The following NRP1 variants were observed in gnomAD, a reference collection of about 807,000 sequenced individuals.
NRP1 encodes neuropilin-1.
In NRP1, 35 loss-of-function variants were observed where a neutral mutation model predicts 106.7. That is an observed-to-expected ratio of 0.33 (90% CI 0.25 to 0.43). The LOEUF (loss-of-function observed/expected upper bound fraction) is 0.43. Ranked by LOEUF, NRP1 falls within the 20% of genes least tolerant of loss-of-function variation. NRP1 has a pLI of 1.00. For missense variants in NRP1, 1,024 were observed against 1,170.4 expected, an observed-to-expected ratio of 0.87 and a Z score of 1.83; for synonymous variants, 437 against 417.9, an observed-to-expected ratio of 1.05 and a Z score of -0.56.
chr10:33,181,085 C>T (rs1053861042), intron 16 of NRP1, among the ~76,000 whole-genome samples: 6 of 152,226 alleles, frequency 3.9e-5, no homozygotes, highest in Non-Finnish European at 8.8e-5. Context: ...CTCTGCAGCT[C>T]AGTCACTGGG....
intron 6 of NRP1, among the ~76,000 whole-genome samples, chr10:33,246,609 C>CACACAG (rs1318140828): frequency 1.3e-5 from 2 of 151,656 alleles, no homozygotes; most frequent in African/African-American, 2.4e-5. Context: ...CACACACACA[C>CACACAG]AGAGCACACC....
intron 6 of NRP1, among the ~76,000 whole-genome samples, chr10:33,238,195 T>A (rs368206908): frequency 1.0e-3 from 153 of 152,342 alleles, no homozygotes; most frequent in African/African-American, 3.6e-3. Flanking sequence ...GAGACTTCTC[T>A]CTTGAGTCTA....
chr10:33,230,443 C>A (rs1840018883), intron 6 of NRP1, among the ~76,000 whole-genome samples: 1 of 152,210 alleles, frequency 6.6e-6, no homozygotes, highest in South Asian at 2.1e-4. Context: ...TGCCTAAAAG[C>A]AGGAGATACA....
intron 6 of NRP1, among the ~76,000 whole-genome samples, chr10:33,252,474 T>G (rs1841936668): frequency 6.6e-6 from 1 of 152,156 alleles, no homozygotes; most frequent in Non-Finnish European, 1.5e-5. Context: ...CCTTAGACAC[T>G]GCCGTGGGGT....
chr10:33,261,913 T>C (rs1185079793), intron 4 of NRP1, among the ~76,000 whole-genome samples: 2 of 152,152 alleles, frequency 1.3e-5, no homozygotes, highest in Admixed American at 1.3e-4. Context: ...TTTTTGTATT[T>C]TTCGTAGAGA....
chr10:33,234,273 C>CTGT (rs1840389602), intron 6 of NRP1, among the ~76,000 whole-genome samples: 1 of 152,092 alleles, frequency 6.6e-6, no homozygotes, highest in Non-Finnish European at 1.5e-5. Flanking sequence ...GTGATATGTA[C>CTGT]CTTTCTCAGA....
intron 6 of NRP1, among the ~76,000 whole-genome samples, chr10:33,244,135 A>G (rs879544315): frequency 2.6e-5 from 4 of 152,160 alleles, no homozygotes; most frequent in South Asian, 2.1e-4. Flanking sequence ...TACAGGGTTC[A>G]GCTCTCTCTC....
intron 13 of NRP1, among the ~76,000 whole-genome samples, chr10:33,189,964 C>T (rs973851084): frequency 6.6e-6 from 1 of 152,232 alleles, no homozygotes; most frequent in African/African-American, 2.4e-5. Flanking sequence ...TGCAGGGGCT[C>T]TTTCTAGTCG....
At chr10:33,194,844 G>A (rs1428958497) in intron 12 of NRP1, 9 of 476,924 alleles carry the variant, frequency 1.9e-5, no homozygotes. Context: ...AAGAGAGAAG[G>A]ACAGAGGAAA....
At chr10:33,259,227 A>G (rs1842408922) in intron 4 of NRP1, among the ~76,000 whole-genome samples, 1 of 152,186 alleles carries the variant, frequency 6.6e-6, no homozygotes. Flanking sequence ...ACTGGTTTAT[A>G]ATGTTTAAGA....
chr10:33,197,608 G>A (rs747707272), intron 12 of NRP1, 42 bp downstream of exon 12: 2 of 1,519,688 alleles, frequency 1.3e-6, no homozygotes, highest in South Asian at 1.2e-5. Flanking sequence ...GGAGAGAAGA[G>A]AGGTACATGG....
At chr10:33,210,879 G>A (rs1209061647) in intron 9 of NRP1, among the ~76,000 whole-genome samples, 1 of 152,158 alleles carries the variant, frequency 6.6e-6, no homozygotes, top group Admixed American at 6.5e-5. Flanking sequence ...TAAAAACCAT[G>A]TGCCGCTCTA....
intron 10 of NRP1, chr10:33,206,406 G>C: frequency 4.1e-6 from 2 of 485,188 alleles, no homozygotes; most frequent in South Asian, 3.0e-5. Flanking sequence ...ACAACCACAC[G>C]GTGAAGAATA....
chr10:33,185,613 G>A lies in NRP1; in HGVS notation c.2431+15C>T, dbSNP rs774419956. 1.3e-6 allele frequency: 2 copies of A among 1,580,178 alleles called. No individual in the cohort carries two copies. Among genetic ancestry groups the A allele is most frequent in the Admixed American group, 1.7e-5 (1 of 59,944 alleles). On this transcript the variant is annotated intron_variant, in intron 15 of 16. Transcript: ENST00000374867. ...GGCAAGCACTCCATTGGTTTCTACA[G>A]CAGCTCATACTTACTTGCACAATCT...
chr10:33,332,397 C>T (rs1370487708), intron 1 of NRP1, among the ~76,000 whole-genome samples: 2 of 152,180 alleles, frequency 1.3e-5, no homozygotes, highest in Non-Finnish European at 2.9e-5. Flanking sequence ...AAAGTGACCT[C>T]GTCTCATTAA....
intron 2 of NRP1, among the ~76,000 whole-genome samples, chr10:33,330,145 C>T (rs182021868): frequency 2.0e-4 from 30 of 152,098 alleles, no homozygotes; most frequent in Non-Finnish European, 3.8e-4. Flanking sequence ...ATCAGTAATC[C>T]ACCATTTACA....
rs1844795819 is a variant in NRP1, at chr10:33,289,119, T to C, written c.249-18263A>G. Reference sequence around the variant, plus strand: ...TTTTAACAACACTTAAACAGAATCTTCTAAATCGTTTAGGAACTAGCTCTG... The same window carrying C: ...TTTTAACAACACTTAAACAGAATCTCCTAAATCGTTTAGGAACTAGCTCTG... On this transcript the variant is annotated intron_variant, in intron 2 of 16. Coordinates refer to ENST00000374867, the MANE Select transcript of NRP1 (RefSeq NM_003873.7). Among the ~76,000 whole-genome samples, 4 of 152,342 alleles carry C rather than the reference T, an allele frequency of 2.6e-5. No homozygotes were observed. The South Asian group carries it at 8.3e-4, about 32-fold the overall frequency.
At chr10:33,294,208 A>T (rs1414064774) in intron 2 of NRP1, among the ~76,000 whole-genome samples, 1 of 152,134 alleles carries the variant, frequency 6.6e-6, no homozygotes, top group Non-Finnish European at 1.5e-5. Flanking sequence ...GGATTTGGGG[A>T]TGAGTTCTTA....
intron 2 of NRP1, among the ~76,000 whole-genome samples, chr10:33,329,018 A>G (rs779515106): frequency 2.0e-5 from 3 of 152,242 alleles, no homozygotes; most frequent in Non-Finnish European, 4.4e-5. Flanking sequence ...AACATGGTCA[A>G]AAAGCAAATA....
Sources: allele counts gnomAD v4.1 joint callset (sites outside exome capture counted in the v4.1 genomes callset), GRCh38; gene constraint gnomAD v4.1.1; transcripts MANE v1.5; gene names NCBI Gene and HGNC (gene_info 2026-07-23, HGNC 2026-07-21).